The following MACROD2 variants were observed in gnomAD, a reference collection of about 807,000 sequenced individuals.
The protein encoded by MACROD2 is mono-ADP ribosylhydrolase 2, also known as ADP-ribose glycohydrolase MACROD2.
MACROD2 carries 36 observed loss-of-function variants against 70.4 expected under a neutral mutation model. The observed-to-expected ratio is 0.51, with a 90% CI of 0.39 to 0.68. The LOEUF (loss-of-function observed/expected upper bound fraction) is 0.68. MACROD2 is among the 30% of genes least tolerant of loss of function. MACROD2 has a pLI of 0.00. For missense variants in MACROD2, 496 were observed against 538.4 expected, an observed-to-expected ratio of 0.92 and a Z score of 0.78; for synonymous variants, 172 against 178.8, an observed-to-expected ratio of 0.96 and a Z score of 0.30.
chr20:15,121,671 C>G (rs1468486134), intron 5 of MACROD2, among the ~76,000 whole-genome samples: 2 of 152,056 alleles, frequency 1.3e-5, no homozygotes, highest in Admixed American at 1.3e-4. Context: ...CTTACCACAG[C>G]CTGTTTGTTA....
intron 5 of MACROD2, among the ~76,000 whole-genome samples, chr20:15,184,273 G>A (rs1332100253): frequency 6.6e-6 from 1 of 152,094 alleles, no homozygotes; most frequent in African/African-American, 2.4e-5. Context: ...GGGAAATACT[G>A]GGGTTGGGTG....
At chr20:15,387,685 C>T (rs1221642293) in intron 6 of MACROD2, among the ~76,000 whole-genome samples, 4 of 151,750 alleles carry the variant, frequency 2.6e-5, no homozygotes, top group African/African-American at 9.7e-5. Flanking sequence ...CAGGCAGGGG[C>T]AACTGACAAG....
At chr20:14,969,536 G>A (rs536840367) in intron 5 of MACROD2, among the ~76,000 whole-genome samples, 3 of 151,922 alleles carry the variant, frequency 2.0e-5, no homozygotes, top group African/African-American at 7.3e-5. Flanking sequence ...ATATTTTCAT[G>A]AAATCTAGTA....
intron 4 of MACROD2, among the ~76,000 whole-genome samples, chr20:14,515,956 A>G (rs1019047557): frequency 1.4e-5 from 2 of 147,890 alleles, no homozygotes; most frequent in African/African-American, 4.9e-5. Flanking sequence ...TGTACATTAT[A>G]TATTATATAA....
chr20:14,335,877 T>C (rs553171903), intron 3 of MACROD2, among the ~76,000 whole-genome samples: 3 of 152,304 alleles, frequency 2.0e-5, no homozygotes, highest in South Asian at 4.1e-4. Flanking sequence ...TGTGTGTATA[T>C]ATATGTGTCC....
At chr20:15,942,118 A>G (rs1162311462) in intron 12 of MACROD2, among the ~76,000 whole-genome samples, 1 of 152,168 alleles carries the variant, frequency 6.6e-6, no homozygotes, top group African/African-American at 2.4e-5. Flanking sequence ...TTAATGTTCT[A>G]GACATATTTT....
chr20:15,996,885 A>T (rs996727665), intron 15 of MACROD2, among the ~76,000 whole-genome samples: 1 of 152,200 alleles, frequency 6.6e-6, no homozygotes, highest in Non-Finnish European at 1.5e-5. Context: ...TGTGAGTGGT[A>T]TAAGACAGAA....
intron 8 of MACROD2, among the ~76,000 whole-genome samples, chr20:15,770,583 A>G (rs2051607980): frequency 6.6e-6 from 1 of 152,194 alleles, no homozygotes; most frequent in Non-Finnish European, 1.5e-5. Flanking sequence ...AGAGACAGAG[A>G]AAACAATAAT....
intron 8 of MACROD2, among the ~76,000 whole-genome samples, chr20:15,521,844 A>C (rs2047657045): frequency 6.6e-6 from 1 of 152,214 alleles, no homozygotes; most frequent in African/African-American, 2.4e-5. Context: ...TTTTCTTTGG[A>C]GCACAATTTA....
chr20:14,496,661 CA>C (rs1170916630), intron 4 of MACROD2, among the ~76,000 whole-genome samples: 5 of 148,528 alleles, frequency 3.4e-5, no homozygotes, highest in Non-Finnish European at 5.9e-5. Context: ...TCTACTCAGT[CA>C]TTTCAGTTAA....
At position 14,386,121 on chromosome 20, in the gene MACROD2, C is replaced by A. The variant is rs144079156; in HGVS notation, c.272-107358C>A. Among the ~76,000 whole-genome samples, 1,053 of 152,260 alleles carry A rather than the reference C, an allele frequency of 6.9e-3. 6 individuals are homozygous for A. Among genetic ancestry groups the A allele is most frequent in the Middle Eastern group, 0.02 (6 of 294 alleles). ...TTCATCATAACTTTGATGTAGTATA[C>A]TGTTTTTATCTTCATTTACCAAATG... On this transcript the variant is annotated intron_variant, in intron 3 of 17. Coordinates refer to ENST00000684519, the MANE Select transcript of MACROD2 (RefSeq NM_001351661.2).
intron 8 of MACROD2, among the ~76,000 whole-genome samples, chr20:15,596,786 A>T (rs2048751519): frequency 2.6e-5 from 4 of 152,218 alleles, no homozygotes; most frequent in Admixed American, 2.6e-4. Context: ...ATGTAAAAAC[A>T]CACAGCCTTG....
intron 5 of MACROD2, among the ~76,000 whole-genome samples, chr20:14,858,863 G>A (rs1226916265): frequency 6.6e-6 from 1 of 152,070 alleles, no homozygotes; most frequent in African/African-American, 2.4e-5. Flanking sequence ...CACCTCAAAG[G>A]TTGTTGTAAG....
intron 8 of MACROD2, among the ~76,000 whole-genome samples, chr20:15,624,144 A>G (rs1424369832): frequency 6.6e-6 from 1 of 152,206 alleles, no homozygotes. Flanking sequence ...CAAGGGTCCA[A>G]CAGCCAAAGA....
At chr20:14,011,044 T>C (rs1484757869) in intron 2 of MACROD2, among the ~76,000 whole-genome samples, 2 of 152,202 alleles carry the variant, frequency 1.3e-5, no homozygotes, top group African/African-American at 4.8e-5. Context: ...CATAGAATAC[T>C]GTGTGTAGTG....
chr20:14,007,211 GTC>G (rs1488548112), intron 2 of MACROD2, among the ~76,000 whole-genome samples: 1 of 152,080 alleles, frequency 6.6e-6, no homozygotes, highest in African/African-American at 2.4e-5. Context: ...CTGTTATTAA[GTC>G]TTTTATTATG....
At position 15,278,494 on chromosome 20, in the gene MACROD2, G is replaced by C. The variant is rs1336957114; in HGVS notation, c.540+48433G>C. 3.3e-5 allele frequency among the ~76,000 whole-genome samples: 5 copies of C among 152,180 alleles called. No homozygotes were observed. The East Asian group carries it at 9.6e-4, about 29-fold the overall frequency. On this transcript the variant is annotated intron_variant, in intron 6 of 17. Coordinates refer to ENST00000684519, the MANE Select transcript of MACROD2 (RefSeq NM_001351661.2). ...CAGTCCTGCTTTTCACTAGCCCTGAGTCGTTGGGAAGTTGGCTTAACTTAT... is the reference window on the plus strand; with the variant it reads ...CAGTCCTGCTTTTCACTAGCCCTGACTCGTTGGGAAGTTGGCTTAACTTAT...
chr20:14,179,096 A>G (rs1001994730), intron 3 of MACROD2, among the ~76,000 whole-genome samples: 9 of 152,148 alleles, frequency 5.9e-5, no homozygotes, highest in African/African-American at 1.9e-4. Context: ...GATAGTGACT[A>G]TCTTTGGAGT....
intron 6 of MACROD2, among the ~76,000 whole-genome samples, chr20:15,295,628 CAT>C (rs900632599): frequency 8.1e-5 from 12 of 147,626 alleles, no homozygotes; most frequent in African/African-American, 2.3e-4. Context: ...CACACACACA[CAT>C]GCACACACCC....
Sources: allele counts gnomAD v4.1 joint callset (sites outside exome capture counted in the v4.1 genomes callset), GRCh38; gene constraint gnomAD v4.1.1; transcripts MANE v1.5; gene names NCBI Gene and HGNC (gene_info 2026-07-23, HGNC 2026-07-21).